Variants in WDR88 observed in about 807,000 individuals in gnomAD.
WDR88 encodes the protein WD repeat-containing protein 88.
In WDR88, 40 loss-of-function variants were observed where a neutral mutation model predicts 46.8. The observed-to-expected ratio is 0.86, with a 90% CI of 0.66 to 1.11. The LOEUF is 1.11. WDR88 is among the 50% of genes most tolerant of loss of function. WDR88 has a pLI of 0.00. For missense variants in WDR88, 562 were observed against 602.4 expected (o/e 0.93, Z 0.70); for synonymous variants, 235 against 240.7 (o/e 0.98, Z 0.22).
intron 1 of WDR88, among the ~76,000 whole-genome samples, chr19:33,134,094 C>T (rs2145355611): frequency 6.6e-6 from 1 of 152,318 alleles, no homozygotes; most frequent in South Asian, 2.1e-4. Flanking sequence ...TTGCTCTGTC[C>T]TCTGCATGAG....
chr19:33,160,087 C>T lies in WDR88; in HGVS notation c.998-327C>T, dbSNP rs553653480. Among the ~76,000 whole-genome samples, 386 of 152,202 alleles carry T rather than the reference C, an allele frequency of 2.5e-3. 2 individuals are homozygous for T. Among genetic ancestry groups the T allele is most frequent in the African/African-American group, 7.2e-3 (297 of 41,530 alleles). On this transcript the variant is annotated intron_variant, in intron 7 of 10. Transcript: ENST00000355868. Reference sequence around the variant, plus strand: ...GGCCGAGCTCAGGTGGTAATACGAGCGATGGGGAGTGGCTGTAAATACAGA... The same window carrying T: ...GGCCGAGCTCAGGTGGTAATACGAGTGATGGGGAGTGGCTGTAAATACAGA...
intron 5 of WDR88, among the ~76,000 whole-genome samples, chr19:33,149,508 T>A (rs1973589684): frequency 6.6e-6 from 1 of 152,146 alleles, no homozygotes; most frequent in African/African-American, 2.4e-5. Flanking sequence ...TCAGGCTTCT[T>A]AACATTAACA....
Position 33,151,170 on chromosome 19 carries a change from G to A in WDR88, c.680-11G>A, listed in dbSNP as rs115932960. 2.7e-4 allele frequency: 443 copies of A among 1,612,090 alleles called. 3 individuals are homozygous for A. In the African/African-American group the frequency reaches 5.4e-3, roughly 20 times the overall value. ...GCGTGGTCTCAAGTCCCTTTCCTCC[G>A]TGTTCTGCAGATCATCACACAAGGT... On this transcript the variant is annotated splice_polypyrimidine_tract_variant and intron_variant, in intron 5 of 10. Coordinates refer to ENST00000355868, the MANE Select transcript of WDR88 (RefSeq NM_173479.4).
At chr19:33,142,091 T>C (rs1384470082) in intron 2 of WDR88, among the ~76,000 whole-genome samples, 2 of 151,416 alleles carry the variant, frequency 1.3e-5, no homozygotes, top group African/African-American at 4.9e-5. Context: ...CCAGGGGAGA[T>C]TTTGGCCAAG....
intron 1 of WDR88, among the ~76,000 whole-genome samples, chr19:33,134,259 T>TC (rs918651116): frequency 6.6e-6 from 1 of 152,106 alleles, no homozygotes; most frequent in African/African-American, 2.4e-5. Context: ...GCGGAATGGT[T>TC]CCCCCCTCTT....
chr19:33,174,181 G>A lies in WDR88; in HGVS notation c.1243-1215G>A, dbSNP rs531080780. The A allele has an allele frequency of 2.0e-5, 31 of 1,536,274 alleles. No individual in the cohort carries two copies. The Admixed American group carries it at 5.1e-4, about 25-fold the overall frequency. On this transcript the variant is annotated intron_variant, in intron 10 of 10. Coordinates refer to ENST00000355868, the MANE Select transcript of WDR88 (RefSeq NM_173479.4). ...GATCTAATCTATTTCTTGCAAAAAA[G>A]GAAAAGAAAGAGGCCTACCTGAAGC... is the stretch of plus-strand genomic sequence containing the variant.
At chr19:33,142,285 G>C (rs1973412390) in intron 2 of WDR88, among the ~76,000 whole-genome samples, 1 of 152,074 alleles carries the variant, frequency 6.6e-6, no homozygotes, top group Non-Finnish European at 1.5e-5. Flanking sequence ...GACCAGCTAA[G>C]GCAGGGGCTC....
rs1014688532 is a variant in WDR88, at chr19:33,132,428, C to G, written c.259C>G (p.Gln87Glu). The G allele has an allele frequency of 1.9e-6, 3 of 1,613,978 alleles. No individual in the cohort carries two copies. The highest frequency in any genetic ancestry group is 1.1e-5 in the South Asian group (1 of 91,086). The change falls in exon 1 of 11, where the codon CAG (glutamine) becomes GAG (glutamate). Residue 87 changes from glutamine to glutamate, a missense_variant. Gln to Glu is a conservative substitution (Grantham distance 29). Transcript: ENST00000355868. The stretch of plus-strand genomic sequence containing the variant: ...GCCGGAGAAATTGATCTGGGGCGAC[C>G]AGGACCCTCTCTCCAAGGTCAGAAC... ...QVPEKLIWGD[Q>E]DPLSKIPFKI... is the part of the protein sequence containing the mutation.
rs938493076 is a variant in WDR88, at chr19:33,156,509, G to A, written c.964G>A (p.Gly322Ser). Residue 322 changes from glycine to serine, a missense_variant, in exon 7 of 11, where the codon GGT becomes AGT. Physicochemically the swap from Gly to Ser is moderately conservative, Grantham distance 56. Transcript: ENST00000355868. ...TGTGACTCTGATGCAGGGCCATGAA[G>A]GTTCTGTCAGTTCCTGTCACTTTGC... Reference protein sequence around the residue: ...ACVTLMQGHEGSVSSCHFARD... With the variant: ...ACVTLMQGHESSVSSCHFARD... 59 of 1,613,846 alleles carry A rather than the reference G, an allele frequency of 3.7e-5. No homozygotes were observed. Among genetic ancestry groups the A allele is most frequent in the Non-Finnish European group, 4.8e-5 (57 of 1,179,964 alleles).
chr19:33,171,737 C>T (rs1010402828), intron 9 of WDR88, among the ~76,000 whole-genome samples: 1 of 152,002 alleles, frequency 6.6e-6, no homozygotes, highest in African/African-American at 2.4e-5. Flanking sequence ...TTGCCAAATG[C>T]ATATCATATA....
At chr19:33,145,754 G>A (rs1359313111) in intron 3 of WDR88, among the ~76,000 whole-genome samples, 1 of 151,578 alleles carries the variant, frequency 6.6e-6, no homozygotes, top group Admixed American at 6.6e-5. Context: ...GGCTGTTCTC[G>A]AACTCTTGAC....
chr19:33,140,468 A>T (rs1406410559), intron 2 of WDR88, among the ~76,000 whole-genome samples: 3 of 152,050 alleles, frequency 2.0e-5, no homozygotes, highest in Non-Finnish European at 4.4e-5. Flanking sequence ...AGTTTCATAG[A>T]TGTATGCGGA....
At chr19:33,143,636 C>A (rs1222030337) in intron 2 of WDR88, among the ~76,000 whole-genome samples, 1 of 131,210 alleles carries the variant, frequency 7.6e-6, no homozygotes, top group Non-Finnish European at 1.5e-5. Flanking sequence ...TAGAGCAAGA[C>A]CCTCTCTCAA....
chr19:33,133,726 C>G (rs200672525), intron 1 of WDR88, among the ~76,000 whole-genome samples: 41 of 152,230 alleles, frequency 2.7e-4, no homozygotes, highest in Admixed American at 6.5e-4. Flanking sequence ...TGGCACCTCT[C>G]CATGTTCTCC....
At chr19:33,175,323 G>C in intron 10 of WDR88, 73 bp from the exon 11 acceptor site, 1 of 1,482,348 alleles carries the variant, frequency 6.7e-7, no homozygotes, top group South Asian at 1.2e-5. Context: ...GTAGCTGGGA[G>C]AATTCTAATG....
Position 33,159,869 on chromosome 19 carries a change from T to C in WDR88, c.998-545T>C, listed in dbSNP as rs1184576329. ...GAAATAATTATACAAGTCAGCATCA[T>C]GTAGAATCAGTGGGAGCCCTGAGCT... On this transcript the variant is annotated intron_variant, in intron 7 of 10. Coordinates refer to ENST00000355868, the MANE Select transcript of WDR88 (RefSeq NM_173479.4). Among the ~76,000 whole-genome samples the C allele has an allele frequency of 5.6e-4, 85 of 152,082 alleles. 2 individuals are homozygous for C.
At chr19:33,169,168 A>G (rs1973998013) in intron 9 of WDR88, among the ~76,000 whole-genome samples, 1 of 152,214 alleles carries the variant, frequency 6.6e-6, no homozygotes, top group Non-Finnish European at 1.5e-5. Context: ...AATCTTCATG[A>G]TACTGACTTT....
At chr19:33,144,448 C>T (rs1169388626) in intron 2 of WDR88, among the ~76,000 whole-genome samples, 1 of 152,150 alleles carries the variant, frequency 6.6e-6, no homozygotes, top group Non-Finnish European at 1.5e-5. Flanking sequence ...GATCCACCCA[C>T]CTCGGCCTCC....
intron 10 of WDR88, 98 bp downstream of exon 10, chr19:33,172,538 A>C: frequency 5.1e-6 from 5 of 977,704 alleles, no homozygotes; most frequent in Non-Finnish European, 7.7e-6. Flanking sequence ...CTGGAGATGC[A>C]ATCGTGAACA....
Sources: allele counts gnomAD v4.1 joint callset (sites outside exome capture counted in the v4.1 genomes callset), GRCh38; gene constraint gnomAD v4.1.1; transcripts MANE v1.5; gene names NCBI Gene and HGNC (gene_info 2026-07-23, HGNC 2026-07-21).